Variants in CDC42BPB observed in about 807,000 individuals in gnomAD.
The protein encoded by CDC42BPB is CDC42 binding protein kinase beta, also known as serine/threonine-protein kinase MRCK beta.
CDC42BPB carries 37 observed loss-of-function variants against 214.9 expected under a neutral mutation model. That is an observed-to-expected ratio of 0.17 (90% CI 0.13 to 0.23). The LOEUF is 0.23. CDC42BPB is among the 10% of genes least tolerant of loss of function. The pLI is 1.00. For synonymous variants in CDC42BPB, 931 were observed against 884.0 expected (o/e 1.05, Z -0.94); for missense variants, 1,694 against 2,227.0 (o/e 0.76, Z 4.82).
chr14:102,942,756 G>C (rs1891955102), intron 30 of CDC42BPB, among the ~76,000 whole-genome samples: 1 of 151,338 alleles, frequency 6.6e-6, no homozygotes, highest in African/African-American at 2.4e-5. Flanking sequence ...CCAGGCTAGA[G>C]TGCAGTGGCG....
In CDC42BPB at chr14:102,947,806, G is replaced by C; in HGVS notation, c.3450-4C>G. The stretch of plus-strand genomic sequence containing the variant: ...GCTCACGGAAAACTCGTCATCTCTG[G>C]TAAGGAAGAAACATTGACCCCGCTG... On this transcript the variant is annotated splice_polypyrimidine_tract_variant and splice_region_variant and intron_variant, in intron 26 of 36. Transcript: ENST00000361246. 2 of 1,612,446 alleles carry C rather than the reference G, an allele frequency of 1.2e-6. No homozygotes were observed. Among genetic ancestry groups the C allele is most frequent in the Non-Finnish European group, 1.7e-6 (2 of 1,179,782 alleles).
intron 20 of CDC42BPB, among the ~76,000 whole-genome samples, chr14:102,960,517 G>A (rs1013687406): frequency 5.9e-5 from 9 of 152,174 alleles, no homozygotes; most frequent in Admixed American, 5.9e-4. Context: ...AGCTACTTGG[G>A]AGACAGAGAC....
intron 36 of CDC42BPB, chr14:102,937,032 AC>A (rs1891674175): frequency 2.0e-5 from 3 of 152,232 alleles, no homozygotes; most frequent in Non-Finnish European, 4.4e-5. Flanking sequence ...AATAAAAAAA[AC>A]AAAAAAATTG....
rs4708 is a variant in CDC42BPB, at chr14:102,933,111, T to G, written c.*601A>C. Reference sequence around the variant, plus strand: ...TGGCTGCGACCCAGAATGAACTTAATGCACACAGGGACGCAGGGTGTCACT... The same window carrying G: ...TGGCTGCGACCCAGAATGAACTTAAGGCACACAGGGACGCAGGGTGTCACT... On this transcript the variant is annotated 3_prime_UTR_variant, in exon 37 of 37. Coordinates refer to ENST00000361246, the MANE Select transcript of CDC42BPB (RefSeq NM_006035.4). The G allele has an allele frequency of 2.0e-5, 3 of 152,280 alleles. No homozygotes were observed. The highest frequency in any genetic ancestry group is 4.4e-5 in the Non-Finnish European group (3 of 67,982). 9.4% of individuals were successfully genotyped at this position (152,280 alleles called of 1,614,324 possible).
chr14:102,946,900 C>A, intron 27 of CDC42BPB: 3 of 983,890 alleles, frequency 3.0e-6, no homozygotes, highest in Non-Finnish European at 3.6e-6. Context: ...CGTGAGATCG[C>A]TTCCTGGTCC....
intron 18 of CDC42BPB, among the ~76,000 whole-genome samples, chr14:102,965,728 G>T (rs138566017): frequency 6.6e-6 from 1 of 152,164 alleles, no homozygotes; most frequent in Non-Finnish European, 1.5e-5. Flanking sequence ...AGGCCGAAGC[G>T]GGCAGATCAC....
At chr14:102,969,776 A>C (rs965874758) in intron 14 of CDC42BPB, among the ~76,000 whole-genome samples, 22 of 152,340 alleles carry the variant, frequency 1.4e-4, no homozygotes, top group African/African-American at 5.3e-4. Flanking sequence ...AGTCAGCAGC[A>C]GGCTACGGGC....
In CDC42BPB at chr14:102,982,298, C is replaced by T. The variant is rs369479743; in HGVS notation, c.891+1258G>A. On this transcript the variant is annotated intron_variant, in intron 7 of 36. Transcript: ENST00000361246. ...CTTTGCTTTGGAGTTAAATGGAAAA[C>T]CAGTTCCCGCTTCAGTGTTAATCTG... Among the ~76,000 whole-genome samples, 10 of 152,222 alleles carry T rather than the reference C, an allele frequency of 6.6e-5. No individual in the cohort carries two copies. In the East Asian group the frequency reaches 1.5e-3, roughly 24 times the overall value.
intron 4 of CDC42BPB, among the ~76,000 whole-genome samples, chr14:103,002,023 TTTAG>T (rs1479615724): frequency 2.0e-5 from 3 of 152,140 alleles, no homozygotes; most frequent in African/African-American, 7.2e-5. Flanking sequence ...GCCAGTAAGT[TTTAG>T]TTAGCAGTCA....
intron 1 of CDC42BPB, among the ~76,000 whole-genome samples, chr14:103,016,702 C>T (rs757618636): frequency 2.3e-4 from 35 of 152,146 alleles, no homozygotes; most frequent in Non-Finnish European, 3.2e-4. Flanking sequence ...AACCGTACAA[C>T]ACTGGGATAG....
intron 8 of CDC42BPB, among the ~76,000 whole-genome samples, chr14:102,979,784 A>G (rs376784790): frequency 2.6e-5 from 4 of 152,300 alleles, no homozygotes; most frequent in Non-Finnish European, 4.4e-5. Flanking sequence ...ATGAGAACAA[A>G]AGAATTTTAC....
chr14:103,000,052 G>A (rs749340832), intron 4 of CDC42BPB, among the ~76,000 whole-genome samples: 18 of 152,170 alleles, frequency 1.2e-4, no homozygotes, highest in Non-Finnish European at 2.4e-4. Context: ...CAATCCTATG[G>A]GTTTAAAAAT....
At chr14:102,964,758 T>A in intron 18 of CDC42BPB, 108 bp from the exon 19 acceptor site, 13 of 1,389,858 alleles carry the variant, frequency 9.4e-6, no homozygotes, top group Non-Finnish European at 1.1e-5. Context: ...TACGGTCTCA[T>A]TTAGATATTA....
chr14:102,970,983 A>G (rs1226145230), intron 13 of CDC42BPB, among the ~76,000 whole-genome samples: 2 of 152,200 alleles, frequency 1.3e-5, no homozygotes, highest in Non-Finnish European at 2.9e-5. Context: ...ATCGCTTACA[A>G]TATGTCAACC....
chr14:102,984,957 C>T (rs918248742), intron 6 of CDC42BPB, among the ~76,000 whole-genome samples: 2 of 152,244 alleles, frequency 1.3e-5, no homozygotes, highest in African/African-American at 2.4e-5. Flanking sequence ...TGGGCGGTGA[C>T]TCCACGATGA....
Position 102,969,083 on chromosome 14 carries a change from C to T in CDC42BPB, c.1996-367G>A, listed in dbSNP as rs34770554. On this transcript the variant is annotated intron_variant, in intron 14 of 36. Coordinates refer to ENST00000361246, the MANE Select transcript of CDC42BPB (RefSeq NM_006035.4). Reference sequence around the variant, plus strand: ...GGGCTGGCGGGAACTGACAGCAAACCAGTAAAGGGGCAGAGGGGCCGTGCA... The same window carrying T: ...GGGCTGGCGGGAACTGACAGCAAACTAGTAAAGGGGCAGAGGGGCCGTGCA... 4.2e-3 allele frequency among the ~76,000 whole-genome samples: 633 copies of T among 152,360 alleles called. 7 individuals are homozygous for T. Among genetic ancestry groups the T allele is most frequent in the African/African-American group, 0.015 (611 of 41,588 alleles).
At chr14:102,956,624 G>C (rs1289146960) in intron 21 of CDC42BPB, among the ~76,000 whole-genome samples, 1 of 152,090 alleles carries the variant, frequency 6.6e-6, no homozygotes, top group Non-Finnish European at 1.5e-5. Flanking sequence ...GAGGTTAGGA[G>C]TTTGAGACCG....
rs141150383 is a variant in CDC42BPB, at chr14:103,053,547, G to C, written c.175+3452C>G. Among the ~76,000 whole-genome samples the C allele has an allele frequency of 1.4e-3, 205 of 151,844 alleles. 5 individuals are homozygous for C. The East Asian group carries it at 0.032, about 23-fold the overall frequency. On this transcript the variant is annotated intron_variant, in intron 1 of 36. Coordinates refer to ENST00000361246, the MANE Select transcript of CDC42BPB (RefSeq NM_006035.4). ...GAGGCCAAGGGGGGCAGATCACGAG[G>C]TCTGGAGATCGAGACCATCCTGGCT...
rs372564339 is a variant in CDC42BPB, at chr14:102,981,024, G to A, written c.892-3C>T. On this transcript the variant is annotated splice_region_variant and splice_polypyrimidine_tract_variant and intron_variant, in intron 7 of 36. Coordinates refer to ENST00000361246, the MANE Select transcript of CDC42BPB (RefSeq NM_006035.4). ...TGGGATGGGAACTGGAATCGCTCCT[G>A]CAAGGGGTGGCAAAAACACCGGTGG... 2 of 1,613,880 alleles carry A rather than the reference G, an allele frequency of 1.2e-6. No individual in the cohort carries two copies. Among genetic ancestry groups the A allele is most frequent in the African/African-American group, 2.7e-5 (2 of 74,910 alleles).
Sources: gnomAD v4.1 joint callset for allele counts (sites outside exome capture counted in the v4.1 genomes callset) on GRCh38, gnomAD v4.1.1 for gene constraint, MANE v1.5 for transcripts, NCBI Gene and HGNC (gene_info 2026-07-23, HGNC 2026-07-21) for gene names.